LMBR1: variants seen among roughly 807,000 people sequenced by gnomAD.
The protein encoded by LMBR1 is limb development membrane protein 1, also known as limb region 1 protein homolog.
LMBR1 carries 52 observed loss-of-function variants against 73.9 expected under a neutral mutation model. The observed-to-expected ratio is 0.70, with a 90% CI of 0.56 to 0.89. LMBR1 has a LOEUF of 0.89. Ranked by LOEUF, LMBR1 falls within the 40% of genes least tolerant of loss-of-function variation. The pLI is 0.00. For synonymous variants in LMBR1, 215 were observed against 209.4 expected, an observed-to-expected ratio of 1.03 and a Z score of -0.23; for missense variants, 539 against 579.8, an observed-to-expected ratio of 0.93 and a Z score of 0.72.
At chr7:156,744,168 G>A (rs1156917596) in intron 9 of LMBR1, among the ~76,000 whole-genome samples, 2 of 152,112 alleles carry the variant, frequency 1.3e-5, no homozygotes, top group Non-Finnish European at 2.9e-5. Flanking sequence ...CTCCCGAGTA[G>A]CTGGGACTAC....
chr7:156,820,848 G>A (rs1004067310), intron 4 of LMBR1, among the ~76,000 whole-genome samples: 1 of 152,166 alleles, frequency 6.6e-6, no homozygotes, highest in Non-Finnish European at 1.5e-5. Context: ...CTGCCTCCTG[G>A]GCCACATGAC....
intron 15 of LMBR1, among the ~76,000 whole-genome samples, chr7:156,714,585 A>C (rs1812795134): frequency 6.6e-6 from 1 of 152,204 alleles, no homozygotes; most frequent in East Asian, 1.9e-4. Flanking sequence ...ACAGTATTTG[A>C]ATGGCAAACG....
chr7:156,884,924 A>T (rs1397148430), intron 1 of LMBR1, among the ~76,000 whole-genome samples: 1 of 152,260 alleles, frequency 6.6e-6, no homozygotes, highest in Non-Finnish European at 1.5e-5. Flanking sequence ...GCAAGACACC[A>T]GTAGAAAACA....
intron 15 of LMBR1, among the ~76,000 whole-genome samples, chr7:156,710,293 G>GA (rs1177947822): frequency 1.3e-5 from 2 of 152,104 alleles, no homozygotes; most frequent in African/African-American, 4.8e-5. Context: ...GGATATGGAT[G>GA]AAAAATTCTT....
chr7:156,856,688 AGAGT>A (rs1260398625), intron 1 of LMBR1, among the ~76,000 whole-genome samples: 1 of 152,142 alleles, frequency 6.6e-6, no homozygotes, highest in Non-Finnish European at 1.5e-5. Context: ...CCTAGGCGAC[AGAGT>A]GAGACTCCAT....
rs549078284 is a variant in LMBR1 at position 156,670,557 on chromosome 7, ATTTTG to A, written n.867-1275_867-1271del. ...AAGAAGCCCAAGGAAGCCCAATATG[ATTTTG>A]TTTTAAGTGTCTAGTGAGCCTGCAG... On this transcript the variant is annotated intron_variant and non_coding_transcript_variant, in intron 4 of 4. Coordinates refer to the LMBR1 transcript ENST00000430825. This position sits in a 1 kb window ranked among gnomAD's most constrained non-coding sequence, Gnocchi z 4.3. Among the ~76,000 whole-genome samples, 22 of 152,326 alleles carry A rather than the reference ATTTTG, an allele frequency of 1.4e-4. No individual in the cohort carries two copies. In the South Asian group the frequency reaches 2.9e-3, roughly 20 times the overall value.
chr7:156,823,307 TTAAGTTTATGGC>T (rs1835101702), intron 4 of LMBR1: 1 of 152,100 alleles, frequency 6.6e-6, no homozygotes. Context: ...TTCACTGTTA[TTAAGTTTATGGC>T]TAAAAACAAG....
chr7:156,725,541 AAAAAAACTCTCCAACAG>A lies in LMBR1; in HGVS notation c.1068-33_1068-17del. 6.5e-7 allele frequency: 1 copy of A among 1,536,324 alleles called. No individual in the cohort carries two copies. Among genetic ancestry groups the A allele is most frequent in the Non-Finnish European group, 8.9e-7 (1 of 1,125,552 alleles). Reference sequence around the variant, plus strand: ...CATAAGATAGCTGTGAGAATCAAGGAAAAAAACTCTCCAACAGAATGCAAGTTTCCTAAGTTCTCGGC... The same window carrying A: ...CATAAGATAGCTGTGAGAATCAAGGAAATGCAAGTTTCCTAAGTTCTCGGC... On this transcript the variant is annotated splice_polypyrimidine_tract_variant and intron_variant, in intron 13 of 16. Coordinates refer to ENST00000353442, the MANE Select transcript of LMBR1 (RefSeq NM_022458.4).
At chr7:156,712,958 T>C (rs1812392581) in intron 15 of LMBR1, among the ~76,000 whole-genome samples, 1 of 152,178 alleles carries the variant, frequency 6.6e-6, no homozygotes, top group African/African-American at 2.4e-5. Flanking sequence ...ACTACACCAT[T>C]ACACAATCTA....
intron 3 of LMBR1, among the ~76,000 whole-genome samples, chr7:156,833,099 A>G (rs1191757109): frequency 2.6e-5 from 4 of 152,230 alleles, no homozygotes; most frequent in African/African-American, 9.6e-5. Flanking sequence ...AGCGACTTCT[A>G]AACAGTTGGA....
At chr7:156,767,656 C>T (rs944173206) in intron 5 of LMBR1, among the ~76,000 whole-genome samples, 58 of 151,266 alleles carry the variant, frequency 3.8e-4, no homozygotes, top group African/African-American at 1.3e-3. Context: ...AGTAATATTA[C>T]TAAGATACTA....
chr7:156,704,401 C>T (rs1010446841), intron 15 of LMBR1, among the ~76,000 whole-genome samples: 4 of 152,060 alleles, frequency 2.6e-5, no homozygotes, highest in African/African-American at 9.7e-5. Context: ...CAAAGCCAAA[C>T]AGCCCTACCT....
chr7:156,797,987 C>G (rs1161944967), intron 4 of LMBR1, among the ~76,000 whole-genome samples: 1 of 149,924 alleles, frequency 6.7e-6, no homozygotes, highest in Middle Eastern at 3.4e-3. Context: ...TTAAAAAAAG[C>G]CAAACATTCT....
chr7:156,798,881 T>C (rs1167816407), intron 4 of LMBR1, among the ~76,000 whole-genome samples: 2 of 152,066 alleles, frequency 1.3e-5, no homozygotes, highest in Non-Finnish European at 2.9e-5. Context: ...TCATAGTCTT[T>C]TTAAAAAAAC....
chr7:156,764,914 A>G (rs1325981214), intron 5 of LMBR1, among the ~76,000 whole-genome samples: 5 of 152,206 alleles, frequency 3.3e-5, no homozygotes, highest in Non-Finnish European at 7.3e-5. Flanking sequence ...TCCTTCAACA[A>G]TATCGCAGAC....
Position 156,800,482 on chromosome 7 carries a change from C to CAAAAA in LMBR1, c.320-3995_320-3991dup, listed in dbSNP as rs1245017996. 1.2e-3 allele frequency among the ~76,000 whole-genome samples: 97 copies of CAAAAA among 81,020 alleles called. 1 individual carries two copies. The highest frequency in any genetic ancestry group is 1.5e-3 in the Non-Finnish European group (65 of 42,004). The allele number at this position is 81,020 out of a possible 152,430, so 53.2% of individuals were successfully genotyped here. A position where few individuals can be genotyped will look rare whatever the true frequency, so the allele number is the denominator to read the frequency against. Reference sequence around the variant, plus strand: ...AAGCCTACTGTTAAGACTTGCTACTCAAAAAAAAAAAAAAAAAAGATTTTC... The same window carrying CAAAAA: ...AAGCCTACTGTTAAGACTTGCTACTCAAAAAAAAAAAAAAAAAAAAAAAGATTTTC... On this transcript the variant is annotated intron_variant, in intron 4 of 16. Coordinates refer to ENST00000353442, the MANE Select transcript of LMBR1 (RefSeq NM_022458.4).
At chr7:156,751,533 C>T (rs1162407211) in intron 9 of LMBR1, among the ~76,000 whole-genome samples, 2 of 152,148 alleles carry the variant, frequency 1.3e-5, no homozygotes, top group Admixed American at 6.6e-5. Context: ...GAAGATCTGA[C>T]TCATATTGTC....
chr7:156,834,735 CTTT>C (rs923531621), intron 2 of LMBR1: 2 of 157,872 alleles, frequency 1.3e-5, no homozygotes, highest in African/African-American at 4.9e-5. Context: ...TTTGTTTAAT[CTTT>C]TTTAAGTAGC....
intron 5 of LMBR1, among the ~76,000 whole-genome samples, chr7:156,785,090 T>C (rs1464280951): frequency 1.3e-5 from 2 of 152,010 alleles, no homozygotes; most frequent in Non-Finnish European, 2.9e-5. Context: ...CAAGTACAAA[T>C]GTTGACAGGT....
Sources: allele counts gnomAD v4.1 joint callset (sites outside exome capture counted in the v4.1 genomes callset), GRCh38; gene constraint gnomAD v4.1.1; non-coding constraint Gnocchi (gnomAD v3.1); transcripts MANE v1.5; gene names NCBI Gene and HGNC (gene_info 2026-07-23, HGNC 2026-07-21).